Variants in PRKCB observed in about 807,000 individuals in gnomAD.
PRKCB encodes the protein protein kinase C beta, also known as protein kinase C beta type.
In PRKCB, 13 loss-of-function variants were observed where a neutral mutation model predicts 81.5. The ratio of observed to expected loss-of-function variants is 0.16; its 90% CI spans 0.10 to 0.25. The LOEUF (loss-of-function observed/expected upper bound fraction) is 0.25. Ranked by LOEUF, PRKCB falls within the 10% of genes least tolerant of loss-of-function variation. PRKCB has a pLI of 1.00. For synonymous variants in PRKCB, 335 were observed against 321.4 expected, an observed-to-expected ratio of 1.04 and a Z score of -0.45; for missense variants, 509 against 875.7, an observed-to-expected ratio of 0.58 and a Z score of 5.29.
In PRKCB at chr16:24,156,112, A is replaced by G. The variant is rs80338007; in HGVS notation, c.1239+1255A>G. On this transcript the variant is annotated intron_variant, in intron 10 of 16. Transcript: ENST00000643927. ...TTCTATCATTTATTTTTCATTTACTAGTGAGAATGCCTTTATAAAGAAGGG... is the reference window on the plus strand; with the variant it reads ...TTCTATCATTTATTTTTCATTTACTGGTGAGAATGCCTTTATAAAGAAGGG... Among the ~76,000 whole-genome samples, 381 of 152,340 alleles carry G rather than the reference A, an allele frequency of 2.5e-3. 2 individuals are homozygous for G. Among genetic ancestry groups the G allele is most frequent in the African/African-American group, 8.9e-3 (368 of 41,570 alleles).
rs1345998316 is a variant in PRKCB, at chr16:24,220,007, A to G, written c.*5191A>G. ...AACTTCGACAAAGAGTTCACCAGAC[A>G]GCCTGTGGAACTGACCCCCACTGAT... On this transcript the variant is annotated 3_prime_UTR_variant, in exon 17 of 17. Coordinates refer to ENST00000643927, the MANE Select transcript of PRKCB (RefSeq NM_002738.7). 6.2e-7 allele frequency: 1 copy of G among 1,614,092 alleles called. No homozygotes were observed. Among genetic ancestry groups the G allele is most frequent in the Non-Finnish European group, 8.5e-7 (1 of 1,180,030 alleles).
intron 9 of PRKCB, among the ~76,000 whole-genome samples, chr16:24,129,634 A>C (rs1044587368): frequency 3.0e-4 from 45 of 152,044 alleles, no homozygotes; most frequent in African/African-American, 1.0e-3. Context: ...TATCATCTAT[A>C]TCTATCATCT....
rs1966390371 is a variant in PRKCB, at chr16:24,092,739, T to C, written c.530-52T>C. ...AAGTTCTGCAGCTGTCACTGCTTGGTGCTTAAACATGTTGGACAGTATTAA... is the reference window on the plus strand; with the variant it reads ...AAGTTCTGCAGCTGTCACTGCTTGGCGCTTAAACATGTTGGACAGTATTAA... On this transcript the variant is annotated intron_variant, in intron 5 of 16. Transcript: ENST00000643927. The C allele has an allele frequency of 3.9e-6, 6 of 1,542,996 alleles. No individual in the cohort carries two copies. In the Admixed American group the frequency reaches 9.0e-5, roughly 23 times the overall value.
intron 10 of PRKCB, among the ~76,000 whole-genome samples, chr16:24,170,751 A>G (rs1470997386): frequency 1.3e-5 from 2 of 152,364 alleles, no homozygotes; most frequent in Non-Finnish European, 2.9e-5. Context: ...ACATCCAGCT[A>G]TTAAGAGACA....
In PRKCB at chr16:24,217,269, C is replaced by A; in HGVS notation, c.*2453C>A. 3 of 985,408 alleles carry A rather than the reference C, an allele frequency of 3.0e-6. No individual in the cohort carries two copies. The South Asian group carries it at 1.4e-4, about 46-fold the overall frequency. 61.0% of individuals were successfully genotyped at this position (985,408 alleles called of 1,614,324 possible). On this transcript the variant is annotated 3_prime_UTR_variant, in exon 17 of 17. Transcript: ENST00000643927. ...GTTTAATAGTTTGCAGAAATAGATA[C>A]TCAAGCCAAAGTCTGTTTTAGAGAA... is the stretch of plus-strand genomic sequence containing the variant.
chr16:23,849,198 T>C (rs889722240), intron 2 of PRKCB, among the ~76,000 whole-genome samples: 1 of 152,254 alleles, frequency 6.6e-6, no homozygotes, highest in Non-Finnish European at 1.5e-5. Flanking sequence ...TTCAAAAATG[T>C]ATTGGTAGCA....
At chr16:23,836,409 C>G (rs1439725492) in intron 1 of PRKCB, 61 bp downstream of exon 1, 16 of 1,547,732 alleles carry the variant, frequency 1.0e-5, no homozygotes, top group Non-Finnish European at 1.3e-5. Flanking sequence ...CGCCAGGGAC[C>G]CCCTCTCCGC....
At chr16:24,075,335 G>A (rs1966164926) in intron 5 of PRKCB, among the ~76,000 whole-genome samples, 1 of 152,150 alleles carries the variant, frequency 6.6e-6, no homozygotes, top group Non-Finnish European at 1.5e-5. Flanking sequence ...AATACACTAA[G>A]CCACTGAGTT....
At chr16:24,185,279 C>T in intron 14 of PRKCB, 88 bp downstream of exon 14, 3 of 1,358,386 alleles carry the variant, frequency 2.2e-6, no homozygotes, top group Non-Finnish European at 1.0e-6. Context: ...TTGGTAACAG[C>T]TCATAAATTG....
At chr16:24,133,438 C>T (rs561196566) in intron 9 of PRKCB, among the ~76,000 whole-genome samples, 1 of 152,308 alleles carries the variant, frequency 6.6e-6, no homozygotes, top group South Asian at 2.1e-4. Flanking sequence ...TTTCACTCCT[C>T]CAGCCTCTGC....
At chr16:23,971,292 C>T (rs964482094) in intron 2 of PRKCB, among the ~76,000 whole-genome samples, 2 of 152,148 alleles carry the variant, frequency 1.3e-5, no homozygotes, top group Non-Finnish European at 2.9e-5. Flanking sequence ...CAATCGTGAT[C>T]GCCATCAGAA....
At chr16:23,841,217 T>G (rs568408619) in intron 2 of PRKCB, among the ~76,000 whole-genome samples, 10 of 152,090 alleles carry the variant, frequency 6.6e-5, no homozygotes, top group African/African-American at 2.4e-4. Context: ...GTTGCTGGGA[T>G]TACGGGGGCC....
At chr16:24,195,411 G>T (rs1967864104) in intron 16 of PRKCB, among the ~76,000 whole-genome samples, 2 of 152,138 alleles carry the variant, frequency 1.3e-5, no homozygotes, top group Non-Finnish European at 2.9e-5. Context: ...GATGTGAAAA[G>T]GCATGCATGT....
intron 2 of PRKCB, among the ~76,000 whole-genome samples, chr16:23,951,287 A>T (rs1200814246): frequency 1.3e-5 from 2 of 152,074 alleles, no homozygotes; most frequent in African/African-American, 2.4e-5. Flanking sequence ...AGTCTTTTCC[A>T]TTTTTGCCAA....
At chr16:23,854,288 A>G (rs1962525471) in intron 2 of PRKCB, among the ~76,000 whole-genome samples, 1 of 152,140 alleles carries the variant, frequency 6.6e-6, no homozygotes, top group Non-Finnish European at 1.5e-5. Context: ...TTCTACTTCC[A>G]GATATTTGAC....
intron 3 of PRKCB, among the ~76,000 whole-genome samples, chr16:24,014,765 CTA>C (rs917238322): frequency 1.1e-4 from 16 of 152,204 alleles, no homozygotes; most frequent in African/African-American, 2.9e-4. Flanking sequence ...TCTCATAATC[CTA>C]TGAGGATTTA....
chr16:24,103,520 G>A (rs1374646380), intron 7 of PRKCB, among the ~76,000 whole-genome samples: 2 of 152,052 alleles, frequency 1.3e-5, no homozygotes, highest in Non-Finnish European at 2.9e-5. Flanking sequence ...TTAGCTATTC[G>A]TAGAGTATAC....
intron 10 of PRKCB, among the ~76,000 whole-genome samples, chr16:24,160,190 G>GCTTTTTTTTTTTTTTTTTT (rs987623532): frequency 8.7e-6 from 1 of 115,308 alleles, no homozygotes. Flanking sequence ...CCCTTTGGGT[G>GCTTTTTTTTTTTTTTTTTT]TTTTTTTTTT....
chr16:23,870,106 C>T lies in PRKCB; in HGVS notation c.205+32700C>T, dbSNP rs187647144. 3.3e-5 allele frequency among the ~76,000 whole-genome samples: 5 copies of T among 151,874 alleles called. No individual in the cohort carries two copies. In the East Asian group the frequency reaches 7.7e-4, roughly 23 times the overall value. ...AGACAAGAATCTGATTTTGAAATAT[C>T]GTCTCTCTATGTTCCAAAAAGGAGT... On this transcript the variant is annotated intron_variant, in intron 2 of 16. Transcript: ENST00000643927.
Sources: gnomAD v4.1 joint callset for allele counts (sites outside exome capture counted in the v4.1 genomes callset) on GRCh38, gnomAD v4.1.1 for gene constraint, MANE v1.5 for transcripts, NCBI Gene and HGNC (gene_info 2026-07-23, HGNC 2026-07-21) for gene names.